The following ATF7IP variants were observed in gnomAD, a reference collection of about 807,000 sequenced individuals.
ATF7IP encodes activating transcription factor 7 interacting protein.
A neutral mutation model predicts 106.4 loss-of-function variants in ATF7IP; 23 were observed. The ratio of observed to expected loss-of-function variants is 0.22; its 90% CI spans 0.16 to 0.31. The LOEUF (loss-of-function observed/expected upper bound fraction) is 0.31. Ranked by LOEUF, ATF7IP falls within the 10% of genes least tolerant of loss-of-function variation. The probability of loss-of-function intolerance (pLI) is 1.00; values close to 1 mark genes in which losing one functional copy is unlikely to be tolerated. For synonymous variants in ATF7IP, 542 were observed against 539.0 expected (o/e 1.01, Z -0.08); for missense variants, 1,334 against 1,524.3 (o/e 0.88, Z 2.08).
intron 9 of ATF7IP, among the ~76,000 whole-genome samples, chr12:14,464,411 G>T (rs1943751690): frequency 6.6e-6 from 1 of 152,208 alleles, no homozygotes; most frequent in South Asian, 2.1e-4. Flanking sequence ...TGAGCGAAGT[G>T]TTTGCCTTTT....
chr12:14,439,604 G>A (rs1257066741), intron 5 of ATF7IP, among the ~76,000 whole-genome samples: 1 of 152,164 alleles, frequency 6.6e-6, no homozygotes, highest in Non-Finnish European at 1.5e-5. Flanking sequence ...GCTGAGGAAG[G>A]TGAATCTCTT....
At chr12:14,459,459 CT>C (rs1943557652) in intron 8 of ATF7IP, among the ~76,000 whole-genome samples, 1 of 152,170 alleles carries the variant, frequency 6.6e-6, no homozygotes, top group Admixed American at 6.5e-5. Flanking sequence ...TTGTTTTTTA[CT>C]GTAAGCATGT....
At position 14,430,614 on chromosome 12, in the gene ATF7IP, A is replaced by G. The variant is rs555089371; in HGVS notation, c.1559-3723A>G. 1.5e-4 allele frequency among the ~76,000 whole-genome samples: 23 copies of G among 152,166 alleles called. 1 individual carries two copies. The South Asian group carries it at 3.1e-3, about 21-fold the overall frequency. On this transcript the variant is annotated intron_variant, in intron 2 of 14. Coordinates refer to ENST00000261168, the MANE Select transcript of ATF7IP (RefSeq NM_018179.5). ...GTTTATTGGCCTTTTATAGTTCCTTATCTGTGAATTGCCTGTTCATCTCCT... is the reference window on the plus strand; with the variant it reads ...GTTTATTGGCCTTTTATAGTTCCTTGTCTGTGAATTGCCTGTTCATCTCCT...
intron 1 of ATF7IP, among the ~76,000 whole-genome samples, chr12:14,381,949 C>T (rs773674176): frequency 1.0e-4 from 15 of 150,390 alleles, no homozygotes; most frequent in East Asian, 1.9e-4. Flanking sequence ...GAGATTGTAG[C>T]GCTCTTATTT....
intron 1 of ATF7IP, among the ~76,000 whole-genome samples, chr12:14,402,632 A>G (rs1311785445): frequency 6.7e-6 from 1 of 149,290 alleles, no homozygotes; most frequent in Admixed American, 6.7e-5. Context: ...TTTTTGAGAC[A>G]AAGTCTCCCT....
rs563462953 is a variant in ATF7IP at position 14,384,294 on chromosome 12, A to G, written c.-8+18467A>G. On this transcript the variant is annotated intron_variant, in intron 1 of 14. Coordinates refer to ENST00000261168, the MANE Select transcript of ATF7IP (RefSeq NM_018179.5). ...AAGAGAGAAAGAAAATGTGGATTCT[A>G]TTGCTGATGTGAACAGGTTCTCTCT... Among the ~76,000 whole-genome samples, 8 of 152,302 alleles carry G rather than the reference A, an allele frequency of 5.3e-5. 1 individual carries two copies. In the South Asian group the frequency reaches 6.2e-4, roughly 12 times the overall value.
intron 2 of ATF7IP, among the ~76,000 whole-genome samples, chr12:14,432,150 T>C (rs10772781): frequency 1 from 152,222 of 152,298 alleles, 76,073 homozygotes; most frequent in Non-Finnish European, 1. Flanking sequence ...GGCCAGTTTA[T>C]TCTGCTGTGT....
chr12:14,451,412 C>T (rs1331677546), intron 6 of ATF7IP, among the ~76,000 whole-genome samples: 1 of 151,722 alleles, frequency 6.6e-6, no homozygotes, highest in Non-Finnish European at 1.5e-5. Context: ...TTATTTCTTT[C>T]CTCTTGCTAA....
At chr12:14,392,907 A>T (rs1939642475) in intron 1 of ATF7IP, among the ~76,000 whole-genome samples, 1 of 152,184 alleles carries the variant, frequency 6.6e-6, no homozygotes, top group Admixed American at 6.5e-5. Flanking sequence ...CAGGTAATTC[A>T]TTGCCACCAT....
chr12:14,428,909 G>A (rs1353958344), intron 2 of ATF7IP, among the ~76,000 whole-genome samples: 1 of 152,086 alleles, frequency 6.6e-6, no homozygotes, highest in Admixed American at 6.5e-5. Flanking sequence ...TTGTGACATA[G>A]TATTATGTTA....
At chr12:14,476,110 T>C (rs878933905) in intron 11 of ATF7IP, 142 bp downstream of exon 11, 1 of 677,094 alleles carries the variant, frequency 1.5e-6, no homozygotes, top group South Asian at 1.9e-5. Context: ...GTTTTTTAGA[T>C]TAGAATTTTA....
At position 14,417,893 on chromosome 12, in the gene ATF7IP, G is replaced by A. The variant is rs1377570776; in HGVS notation, c.-7-6016G>A. On this transcript the variant is annotated intron_variant, in intron 1 of 14. Transcript: ENST00000261168. The stretch of plus-strand genomic sequence containing the variant: ...TTGCTGGGCAGGAATCAGAATGCTG[G>A]CTGCTGATTGGCTGAGTTTGTGAGC... Among the ~76,000 whole-genome samples, 12 of 152,186 alleles carry A rather than the reference G, an allele frequency of 7.9e-5. No individual in the cohort carries two copies. In the East Asian group the frequency reaches 2.3e-3, roughly 29 times the overall value.
intron 12 of ATF7IP, among the ~76,000 whole-genome samples, chr12:14,480,559 A>C (rs1404573146): frequency 6.6e-6 from 1 of 152,196 alleles, no homozygotes; most frequent in Admixed American, 6.5e-5. Flanking sequence ...ATAGCTGGTC[A>C]GTTTCTTGAT....
intron 1 of ATF7IP, chr12:14,385,355 G>A (rs1939171568): frequency 6.5e-7 from 1 of 1,532,058 alleles, no homozygotes; most frequent in South Asian, 1.2e-5. Context: ...TGCTTAGGCA[G>A]CAAGTATGTC....
chr12:14,366,282 A>G (rs570057716), intron 1 of ATF7IP, among the ~76,000 whole-genome samples: 77 of 152,330 alleles, frequency 5.1e-4, no homozygotes, highest in African/African-American at 1.8e-3. Context: ...GTTCTTGATT[A>G]TAATTTCAGT....
intron 2 of ATF7IP, among the ~76,000 whole-genome samples, chr12:14,430,583 T>G (rs752862160): frequency 2.6e-5 from 4 of 152,330 alleles, no homozygotes; most frequent in Non-Finnish European, 5.9e-5. Context: ...TTGAGAATCT[T>G]TATATGTTTA....
intron 2 of ATF7IP, among the ~76,000 whole-genome samples, chr12:14,426,823 C>CAAAAAAAAAAAA (rs1491532843): frequency 6.2e-5 from 1 of 16,060 alleles, no homozygotes; most frequent in African/African-American, 3.0e-4. Flanking sequence ...GACCCTGCCT[C>CAAAAAAAAAAAA]AAAAAAAAAA....
chr12:14,439,099 C>A (rs1942569229), intron 5 of ATF7IP, among the ~76,000 whole-genome samples: 1 of 152,174 alleles, frequency 6.6e-6, no homozygotes, highest in Non-Finnish European at 1.5e-5. Flanking sequence ...AATACCAGAG[C>A]TTCTGGTCAG....
chr12:14,400,803 G>A (rs1940150107), intron 1 of ATF7IP, among the ~76,000 whole-genome samples: 2 of 152,090 alleles, frequency 1.3e-5, no homozygotes, highest in Admixed American at 1.3e-4. Flanking sequence ...ACTCATTTCT[G>A]TATATTAATG....
Sources: gnomAD v4.1 joint callset for allele counts (sites outside exome capture counted in the v4.1 genomes callset) on GRCh38, gnomAD v4.1.1 for gene constraint, MANE v1.5 for transcripts, NCBI Gene and HGNC (gene_info 2026-07-23, HGNC 2026-07-21) for gene names.